Variants in XRCC2 observed in about 807,000 individuals in gnomAD.
XRCC2 encodes the protein DNA repair protein XRCC2.
Under a neutral mutation model 27.3 loss-of-function variants are expected in XRCC2, and 24 were observed. That is an observed-to-expected ratio of 0.88 (90% CI 0.64 to 1.24). XRCC2 has a LOEUF of 1.24. Ranked by LOEUF, XRCC2 falls within the 50% of genes most tolerant of loss-of-function variation. XRCC2 has a pLI of 0.00. For missense variants in XRCC2, 321 were observed against 325.8 expected, an observed-to-expected ratio of 0.99 and a Z score of 0.11; for synonymous variants, 106 against 115.4, an observed-to-expected ratio of 0.92 and a Z score of 0.52.
chr7:152,663,349 A>ATT (rs2098034173), intron 1 of XRCC2, among the ~76,000 whole-genome samples: 1 of 82,428 alleles, frequency 1.2e-5, no homozygotes, highest in African/African-American at 5.5e-5. Context: ...TTTGAAGTAA[A>ATT]AAAAAAAAAA....
chr7:152,651,132 G>A (rs1464894227), intron 2 of XRCC2, among the ~76,000 whole-genome samples: 3 of 151,962 alleles, frequency 2.0e-5, no homozygotes, highest in African/African-American at 7.2e-5. Context: ...TAGAGATGGG[G>A]TTTTGCCATG....
chr7:152,657,130 G>A (rs2098031006), intron 2 of XRCC2, among the ~76,000 whole-genome samples: 1 of 151,394 alleles, frequency 6.6e-6, no homozygotes, highest in Non-Finnish European at 1.5e-5. Flanking sequence ...CAGGTACTGG[G>A]GAGGCTGAGG....
chr7:152,651,428 TA>T (rs10628183), intron 2 of XRCC2, among the ~76,000 whole-genome samples: 147 of 138,898 alleles, frequency 1.1e-3, no homozygotes, highest in Middle Eastern at 3.7e-3. Context: ...ACTCTACAAT[TA>T]AAAAAAAAAA....
intron 2 of XRCC2, among the ~76,000 whole-genome samples, chr7:152,650,372 C>A (rs890311942): frequency 6.6e-6 from 1 of 152,192 alleles, no homozygotes. Flanking sequence ...CTACTCTGAA[C>A]GTTAAAGACT....
rs1554412462 is a variant in XRCC2, at chr7:152,667,428, A to AAAAAAG, written c.40-6647_40-6646insCTTTTT. 7.2e-4 allele frequency among the ~76,000 whole-genome samples: 56 copies of AAAAAAG among 77,906 alleles called. 3 individuals carry two copies. The highest frequency in any genetic ancestry group is 1.5e-3 in the South Asian group (3 of 1,936). 51.1% of individuals were successfully genotyped at this position (77,906 alleles called of 152,430 possible). A position where few individuals can be genotyped will look rare whatever the true frequency, so the allele number is the denominator to read the frequency against. On this transcript the variant is annotated intron_variant, in intron 1 of 2. Transcript: ENST00000359321. ...CTCAAAAAAAAAAAAAAAAAAAAAG[A>AAAAAAG]AAAAAAGTATTATAATTTTATTGAC...
In XRCC2 at chr7:152,674,705, T is replaced by TATATATATTTAAAATATATTTA. The variant is rs200794364; in HGVS notation, c.39+1335_39+1336insTAAATATATTTTAAATATATAT. ...TATAAATATATTTTTAAATATATAT[T>TATATATATTTAAAATATATTTA]TATATAATATATTTTTAAATATATA... On this transcript the variant is annotated intron_variant, in intron 1 of 2. Transcript: ENST00000359321. 5.3e-4 allele frequency among the ~76,000 whole-genome samples: 11 copies of TATATATATTTAAAATATATTTA among 20,694 alleles called. 1 individual carries two copies. The highest frequency in any genetic ancestry group is 3.2e-3 in the African/African-American group (11 of 3,466). 13.6% of individuals were successfully genotyped at this position (20,694 alleles called of 152,430 possible).
rs143856570 is a variant in XRCC2 at position 152,648,877 on chromosome 7, G to A, written c.608C>T (p.Ser203Leu). ...ATTQTIMQKASSSSEEPSHAS... is the reference protein window; with the variant it reads ...ATTQTIMQKALSSSEEPSHAS... ...ATGAGAAGGTTCTTCTGATGAGCTCGAGGCTTTCTGCATTATAGTTTGTGT... is the reference window on the plus strand; with the variant it reads ...ATGAGAAGGTTCTTCTGATGAGCTCAAGGCTTTCTGCATTATAGTTTGTGT... Residue 203 changes from serine (S) to leucine (L), a missense_variant, in exon 3 of 3, where the codon TCG becomes TTG. Ser to Leu is a moderately radical substitution (Grantham distance 145, BLOSUM62 -2). Coordinates refer to ENST00000359321, the MANE Select transcript of XRCC2 (RefSeq NM_005431.2). 5.6e-6 allele frequency: 9 copies of A among 1,613,976 alleles called. No homozygotes were observed. Among genetic ancestry groups the A allele is most frequent in the African/African-American group, 4.0e-5 (3 of 74,910 alleles).
intron 1 of XRCC2, among the ~76,000 whole-genome samples, chr7:152,664,395 G>A (rs1056603220): frequency 2.0e-5 from 3 of 152,078 alleles, no homozygotes; most frequent in African/African-American, 7.2e-5. Context: ...TGGAGGACAC[G>A]AGCATCATCA....
chr7:152,666,402 G>A (rs1590136587), intron 1 of XRCC2, among the ~76,000 whole-genome samples: 1 of 151,968 alleles, frequency 6.6e-6, no homozygotes, highest in Non-Finnish European at 1.5e-5. Context: ...TGCAGAGACA[G>A]GGTCTCCCTA....
chr7:152,655,009 T>C (rs2116993990), intron 2 of XRCC2, among the ~76,000 whole-genome samples: 1 of 152,336 alleles, frequency 6.6e-6, no homozygotes, highest in South Asian at 2.1e-4. Flanking sequence ...ATCATCCTTT[T>C]CAATGTACTT....
chr7:152,657,618 T>G (rs879812119), intron 2 of XRCC2, among the ~76,000 whole-genome samples: 1 of 152,178 alleles, frequency 6.6e-6, no homozygotes, highest in Non-Finnish European at 1.5e-5. Context: ...ATCATTTTAA[T>G]TACTTTAATT....
chr7:152,668,476 T>C (rs565122116), intron 1 of XRCC2, among the ~76,000 whole-genome samples: 1 of 152,252 alleles, frequency 6.6e-6, no homozygotes, highest in East Asian at 1.9e-4. Flanking sequence ...AAAGAGTCAA[T>C]AGAAGCAAGG....
chr7:152,648,627 AT>A lies in XRCC2; in HGVS notation c.*14del. The A allele has an allele frequency of 6.3e-7, 1 of 1,575,136 alleles. No homozygotes were observed. On this transcript the variant is annotated 3_prime_UTR_variant, in exon 3 of 3. Transcript: ENST00000359321. ...CTTGCGTAGTACCCTGCAAAAGACT[AT>A]TTTATGATGTATATCAACAAAATTC... is the stretch of plus-strand genomic sequence containing the variant.
At chr7:152,654,485 T>C (rs148343390) in intron 2 of XRCC2, among the ~76,000 whole-genome samples, 2 of 152,228 alleles carry the variant, frequency 1.3e-5, no homozygotes, top group South Asian at 2.1e-4. Flanking sequence ...ATAATAAATA[T>C]AGCAGAAAAG....
intron 1 of XRCC2, among the ~76,000 whole-genome samples, chr7:152,675,082 T>A (rs2098040342): frequency 6.6e-6 from 1 of 152,146 alleles, no homozygotes; most frequent in Non-Finnish European, 1.5e-5. Flanking sequence ...GCATAAAAGA[T>A]CCTTCATACC....
Position 152,660,265 on chromosome 7 carries a change from G to A in XRCC2, c.121+436C>T, listed in dbSNP as rs188453701. Among the ~76,000 whole-genome samples the A allele has an allele frequency of 5.9e-5, 9 of 152,086 alleles. No homozygotes were observed. In the East Asian group the frequency reaches 1.2e-3, roughly 20 times the overall value. On this transcript the variant is annotated intron_variant, in intron 2 of 2. Transcript: ENST00000359321. ...TAAAAATCACTTAACTGCACACTTC[G>A]GTGGGTGAATTTTATCTCTATGAAG...
chr7:152,675,999 C>A (rs2098040897), intron 1 of XRCC2, 42 bp downstream of exon 1: 2 of 1,612,794 alleles, frequency 1.2e-6, no homozygotes, highest in African/African-American at 1.3e-5. Context: ...CCACCGGCGG[C>A]CTTGTTCCCA....
intron 1 of XRCC2, among the ~76,000 whole-genome samples, chr7:152,673,509 T>A (rs563086042): frequency 4.8e-4 from 73 of 152,216 alleles, no homozygotes; most frequent in Non-Finnish European, 9.4e-4. Flanking sequence ...GACCCCCATA[T>A]GAAATGTCTT....
At chr7:152,674,258 T>G (rs954731351) in intron 1 of XRCC2, among the ~76,000 whole-genome samples, 1 of 152,170 alleles carries the variant, frequency 6.6e-6, no homozygotes, top group East Asian at 1.9e-4. Flanking sequence ...ATTTTTTGGA[T>G]ACAAGGCTTG....
Sources: allele counts gnomAD v4.1 joint callset (sites outside exome capture counted in the v4.1 genomes callset), GRCh38; gene constraint gnomAD v4.1.1; transcripts MANE v1.5; gene names NCBI Gene and HGNC (gene_info 2026-07-23, HGNC 2026-07-21).